Variants in GPR146 observed in about 807,000 individuals in gnomAD.
GPR146 encodes the protein G-protein coupled receptor 146.
For missense variants in GPR146, 381 were observed against 213.9 expected, an observed-to-expected ratio of 1.78 and a Z score of -4.87; for synonymous variants, 203 against 104.3, an observed-to-expected ratio of 1.95 and a Z score of -5.77.
chr7:1,049,426 C>T (rs79062797), intron 1 of GPR146, among the ~76,000 whole-genome samples: 2,997 of 152,304 alleles, frequency 0.02, 99 homozygotes, highest in African/African-American at 0.068. Context: ...CCTGGGGAAA[C>T]CGAGGCACAC....
intron 1 of GPR146, among the ~76,000 whole-genome samples, chr7:1,054,022 TC>T (rs1334928103): frequency 1.3e-5 from 2 of 152,126 alleles, no homozygotes; most frequent in African/African-American, 4.8e-5. Context: ...GGAAGGGGTT[TC>T]CTCACGCTCT....
chr7:1,058,395 C>A lies in GPR146; in HGVS notation c.880C>A (p.Leu294Ile). The A allele has an allele frequency of 2.6e-6, 2 of 780,730 alleles. No individual in the cohort carries two copies. The highest frequency in any genetic ancestry group is 4.8e-6 in the Non-Finnish European group (2 of 418,140). 48.4% of individuals were successfully genotyped at this position (780,730 alleles called of 1,614,324 possible). ...LAFSSSFVTP[L>I]LYRYMNQSFP... ...CTTCTCCAGCAGCTTTGTGACACCA[C>A]TTCTCTACCGCTACATGAACCAGAG... is the stretch of plus-strand genomic sequence containing the variant. The change falls in exon 2 of 2, where the codon CTT becomes ATT. Residue 294 changes from leucine (L) to isoleucine (I), a missense_variant. Transcript: ENST00000444847.
rs547460681 is a variant in GPR146 at position 1,057,042 on chromosome 7, G to A, written c.-24-450G>A. 2.6e-5 allele frequency among the ~76,000 whole-genome samples: 4 copies of A among 152,224 alleles called. No individual in the cohort carries two copies. The East Asian group carries it at 5.8e-4, about 22-fold the overall frequency. The stretch of plus-strand genomic sequence containing the variant: ...CAAGGACTCCAAGGCACCGGGTCCT[G>A]AGCTGCCGGGAGGGAGGGAGGGAGG... On this transcript the variant is annotated intron_variant, in intron 1 of 1. Transcript: ENST00000444847.
Position 1,057,668 on chromosome 7 carries a change from C to T in GPR146, c.153C>T (p.Ala51=), listed in dbSNP as rs918169916. The T allele has an allele frequency of 1.3e-6, 1 of 771,152 alleles. No individual in the cohort carries two copies. Among genetic ancestry groups the T allele is most frequent in the African/African-American group, 1.7e-5 (1 of 58,854 alleles). 47.8% of individuals were successfully genotyped at this position (771,152 alleles called of 1,614,324 possible). ...GLCYNALLVL[A]NLHSKASMTM... is the part of the protein sequence containing the mutation. ...GCTACAACGCCCTGCTGGTGCTGGC[C>T]AACCTACACAGCAAGGCCAGCATGA... is the stretch of plus-strand genomic sequence containing the variant. The change falls in exon 2 of 2, where the codon GCC becomes GCT. Residue 51 remains alanine, a synonymous_variant. Coordinates refer to ENST00000444847, the MANE Select transcript of GPR146 (RefSeq NM_001303473.2).
intron 1 of GPR146, among the ~76,000 whole-genome samples, chr7:1,047,154 C>A (rs1421145534): frequency 6.6e-6 from 1 of 152,248 alleles, no homozygotes; most frequent in Non-Finnish European, 1.5e-5. Flanking sequence ...CAAAAGAATG[C>A]TGTTCCACCT....
intron 1 of GPR146, chr7:1,055,550 G>T: frequency 2.4e-6 from 1 of 423,028 alleles, no homozygotes; most frequent in Non-Finnish European, 4.8e-6. Flanking sequence ...ACAGGCAGGA[G>T]AGGGGACGTG....
chr7:1,049,251 C>T (rs1016901333), intron 1 of GPR146, among the ~76,000 whole-genome samples: 3 of 152,268 alleles, frequency 2.0e-5, no homozygotes, highest in Admixed American at 1.3e-4. Context: ...CAAAAGGTCA[C>T]AGAACAGCTT....
intron 1 of GPR146, among the ~76,000 whole-genome samples, chr7:1,051,623 G>C (rs1783119111): frequency 6.6e-6 from 1 of 152,246 alleles, no homozygotes; most frequent in Admixed American, 6.5e-5. Context: ...GCCGCCACTG[G>C]ATTGGGAAGG....
At chr7:1,051,474 G>C (rs989437347) in intron 1 of GPR146, among the ~76,000 whole-genome samples, 1 of 152,230 alleles carries the variant, frequency 6.6e-6, no homozygotes. Flanking sequence ...CCTGGGCTCT[G>C]ACACTCTCCC....
rs1783162353 is a variant in GPR146, at chr7:1,052,056, A to G, written c.-24-5436A>G. 6.6e-6 allele frequency among the ~76,000 whole-genome samples: 1 copy of G among 152,252 alleles called. No individual in the cohort carries two copies. ...TAATGAATTCTCTTATAGGGAAAATAAAACGATTGAAACTGGGCCATCTTG... is the reference window on the plus strand; with the variant it reads ...TAATGAATTCTCTTATAGGGAAAATGAAACGATTGAAACTGGGCCATCTTG... On this transcript the variant is annotated intron_variant, in intron 1 of 1. Transcript: ENST00000444847. This position sits in a 1 kb window ranked among gnomAD's most constrained non-coding sequence, Gnocchi z 4.2.
Position 1,058,593 on chromosome 7 carries a change from C to T in GPR146, c.*76C>T, listed in dbSNP as rs530873007. 3 of 664,974 alleles carry T rather than the reference C, an allele frequency of 4.5e-6. No homozygotes were observed. The South Asian group carries it at 5.3e-5, about 12-fold the overall frequency. 41.2% of individuals were successfully genotyped at this position (664,974 alleles called of 1,614,324 possible). A position where few individuals can be genotyped will look rare whatever the true frequency, so the allele number is the denominator to read the frequency against. On this transcript the variant is annotated 3_prime_UTR_variant, in exon 2 of 2. Transcript: ENST00000444847. ...AGTTACCCTGGACGCTCCCCACATC[C>T]TTCCAGAAGGAGACGAGCTGCTGGA...
chr7:1,054,844 A>T (rs992180508), intron 1 of GPR146, among the ~76,000 whole-genome samples: 1 of 152,210 alleles, frequency 6.6e-6, no homozygotes, highest in African/African-American at 2.4e-5. Flanking sequence ...TTCCGACCTG[A>T]ACCTGCCCTC....
rs558369487 is a variant in GPR146, at chr7:1,045,162, C to G, written c.-25+504C>G. Reference sequence around the variant, plus strand: ...AAGGCAGTGCTCTCCAGCCGCCAAACCACCACTACCAGCAGCAGAAAACCC... The same window carrying G: ...AAGGCAGTGCTCTCCAGCCGCCAAAGCACCACTACCAGCAGCAGAAAACCC... On this transcript the variant is annotated intron_variant, in intron 1 of 1. Transcript: ENST00000444847. Among the ~76,000 whole-genome samples the G allele has an allele frequency of 2.0e-5, 3 of 152,374 alleles. No individual in the cohort carries two copies. The East Asian group carries it at 5.8e-4, about 29-fold the overall frequency.
In GPR146 at chr7:1,057,593, G is replaced by A. The variant is rs1449242034; in HGVS notation, c.78G>A (p.Leu26=). The A allele has an allele frequency of 2.6e-6, 2 of 770,980 alleles. No homozygotes were observed. Among genetic ancestry groups the A allele is most frequent in the East Asian group, 2.4e-5 (1 of 41,002 alleles). The allele number at this position is 770,980 out of a possible 1,614,324, so 47.8% of individuals were successfully genotyped here. Residue 26 remains leucine (L), a synonymous_variant, in exon 2 of 2, where the codon CTG becomes CTA. Transcript: ENST00000444847. ...CCTGCCAGGACCTGCAGCTGGGGCT[G>A]TCACTGTTGTCGCTGCTGGGCCTGG... ...LPACQDLQLG[L]SLLSLLGLVV...
intron 1 of GPR146, among the ~76,000 whole-genome samples, chr7:1,054,841 C>T: frequency 6.6e-6 from 1 of 152,274 alleles, no homozygotes; most frequent in Non-Finnish European, 1.5e-5. Flanking sequence ...TGCTTCCGAC[C>T]TGAACCTGCC....
intron 1 of GPR146, among the ~76,000 whole-genome samples, chr7:1,051,781 C>T (rs1349556046): frequency 1.3e-5 from 2 of 152,184 alleles, no homozygotes; most frequent in African/African-American, 4.8e-5. Flanking sequence ...TGAGACTAGC[C>T]TGGGCAACAT....
chr7:1,051,534 T>TGGCCCA (rs1415793375), intron 1 of GPR146, among the ~76,000 whole-genome samples: 1 of 152,084 alleles, frequency 6.6e-6, no homozygotes, highest in African/African-American at 2.4e-5. Context: ...TGCTGGCCCA[T>TGGCCCA]GGCCCAGGCC....
At chr7:1,055,390 A>C (rs1447780145) in intron 1 of GPR146, 1 of 470,288 alleles carries the variant, frequency 2.1e-6, no homozygotes, top group African/African-American at 2.0e-5. Flanking sequence ...GCAGGTCCTC[A>C]CCAGAGCTCT....
intron 1 of GPR146, chr7:1,045,963 G>C (rs1186653516): frequency 6.6e-6 from 1 of 152,302 alleles, no homozygotes; most frequent in Non-Finnish European, 1.5e-5. Context: ...ATGTAAATGT[G>C]AAAGTTGACT....
Sources: gnomAD v4.1 joint callset for allele counts (sites outside exome capture counted in the v4.1 genomes callset) on GRCh38, gnomAD v4.1.1 for gene constraint, Gnocchi (gnomAD v3.1) non-coding constraint, MANE v1.5 for transcripts, NCBI Gene and HGNC (gene_info 2026-07-23, HGNC 2026-07-21) for gene names.